Variants in RBSN observed in about 807,000 individuals in gnomAD.
The protein encoded by RBSN is rabenosyn-5.
RBSN carries 34 observed loss-of-function variants against 60.5 expected under a neutral mutation model. That is an observed-to-expected ratio of 0.56 (90% CI 0.43 to 0.75). The LOEUF is 0.75. Among genes scored for constraint, RBSN ranks in the 30% least tolerant of loss-of-function variants. RBSN has a pLI of 0.00. For synonymous variants in RBSN, 322 were observed against 366.9 expected (o/e 0.88, Z 1.40); for missense variants, 845 against 986.8 (o/e 0.86, Z 1.92).
Position 15,071,014 on chromosome 3 carries a change from G to GAAA in RBSN, c.*2767_*2768insTTT, listed in dbSNP as rs1009064522. On this transcript the variant is annotated 3_prime_UTR_variant, in exon 14 of 14. Coordinates refer to ENST00000253699, the MANE Select transcript of RBSN (RefSeq NM_022340.4). ...AATTTTTGTATTTTTAGTAGACACG[G>GAAA]GGTTTCACCATGTTGGCCATGCTAG... 2.6e-5 allele frequency: 4 copies of GAAA among 152,196 alleles called. No individual in the cohort carries two copies. The highest frequency in any genetic ancestry group is 9.7e-5 in the African/African-American group (4 of 41,432). The allele number at this position is 152,196 out of a possible 1,614,324, so 9.4% of individuals were successfully genotyped here. A position where few individuals can be genotyped will look rare whatever the true frequency, so the allele number is the denominator to read the frequency against.
At position 15,077,041 on chromosome 3, in the gene RBSN, G is replaced by A. The variant is rs748462260; in HGVS notation, c.1101+21C>T. The A allele has an allele frequency of 1.2e-6, 2 of 1,610,662 alleles. No individual in the cohort carries two copies. The highest frequency in any genetic ancestry group is 3.3e-5 in the Admixed American group (2 of 60,002). On this transcript the variant is annotated intron_variant, in intron 12 of 13. Coordinates refer to ENST00000253699, the MANE Select transcript of RBSN (RefSeq NM_022340.4). This position sits in a 1 kb window ranked among gnomAD's most constrained non-coding sequence, Gnocchi z 4.4. ...AGGACAGGCCAAGTGCAACATTTATGCCAACCCAGGATGGCTTTACCTGCA... is the reference window on the plus strand; with the variant it reads ...AGGACAGGCCAAGTGCAACATTTATACCAACCCAGGATGGCTTTACCTGCA...
intron 4 of RBSN, among the ~76,000 whole-genome samples, chr3:15,091,803 GC>G (rs1404080135): frequency 6.6e-6 from 1 of 152,184 alleles, no homozygotes; most frequent in African/African-American, 2.4e-5. Context: ...CACAAACTAT[GC>G]CTCTGCAGAA....
rs1278907108 is a variant in RBSN, at chr3:15,074,484, G to C, written c.1653C>G (p.Phe551Leu). ...SLHTRTRSLD[F>L]REIGPFQLEP... ...CCAGCTGAAAAGGGCCGATTTCTCT[G>C]AAGTCCAGGGACCGAGTCCGTGTGT... Residue 551 changes from phenylalanine to leucine, a missense_variant, in exon 14 of 14, where the codon TTC (phenylalanine) becomes TTG (leucine). Coordinates refer to ENST00000253699, the MANE Select transcript of RBSN (RefSeq NM_022340.4). This position sits in a 1 kb window ranked among gnomAD's most constrained non-coding sequence, Gnocchi z 6.4. 6.2e-7 allele frequency: 1 copy of C among 1,614,094 alleles called. No individual in the cohort carries two copies. The highest frequency in any genetic ancestry group is 2.2e-5 in the East Asian group (1 of 44,888).
rs756369904 is a variant in RBSN at position 15,074,068 on chromosome 3, A to G, written c.2069T>C (p.Phe690Ser). The change falls in exon 14 of 14, where the codon TTC becomes TCC. Residue 690 changes from phenylalanine (F) to serine (S), a missense_variant. By Grantham distance (155) the Phe-to-Ser change is radical. Coordinates refer to ENST00000253699, the MANE Select transcript of RBSN (RefSeq NM_022340.4). This position sits in a 1 kb window ranked among gnomAD's most constrained non-coding sequence, Gnocchi z 6.4. ...IQPDSPAPNP[F>S]SEEDEHPQQR... ...CTGGGGATGTTCGTCTTCCTCACTG[A>G]AGGGGTTAGGAGCTGGGCTGTCTGG... The G allele has an allele frequency of 6.2e-7, 1 of 1,613,898 alleles. No homozygotes were observed. The highest frequency in any genetic ancestry group is 1.1e-5 in the South Asian group (1 of 91,064).
At chr3:15,097,883 A>G (rs931573552) in intron 2 of RBSN, among the ~76,000 whole-genome samples, 1 of 152,128 alleles carries the variant, frequency 6.6e-6, no homozygotes, top group African/African-American at 2.4e-5. Context: ...CCCTCTAGTT[A>G]AGAAACCCAG....
intron 4 of RBSN, among the ~76,000 whole-genome samples, chr3:15,092,652 T>A (rs2043547391): frequency 1.3e-5 from 2 of 152,178 alleles, no homozygotes. Flanking sequence ...CCTCAGATGA[T>A]CTGCCCACCT....
intron 4 of RBSN, among the ~76,000 whole-genome samples, chr3:15,095,311 A>C (rs1202568734): frequency 6.6e-6 from 1 of 151,088 alleles, no homozygotes; most frequent in African/African-American, 2.4e-5. Flanking sequence ...GGCGTGAGCC[A>C]CTGTGCCCGC....
At chr3:15,095,215 G>A (rs1323972209) in intron 4 of RBSN, among the ~76,000 whole-genome samples, 1 of 151,668 alleles carries the variant, frequency 6.6e-6, no homozygotes, top group African/African-American at 2.4e-5. Flanking sequence ...TGTGAGACGG[G>A]GTTTCGCCAT....
chr3:15,090,768 C>A (rs145757875), intron 4 of RBSN, among the ~76,000 whole-genome samples: 1 of 152,100 alleles, frequency 6.6e-6, no homozygotes, highest in Non-Finnish European at 1.5e-5. Context: ...TTGGTTTAGG[C>A]GGCCAACATA....
chr3:15,080,307 C>A (rs1309737074), intron 10 of RBSN, among the ~76,000 whole-genome samples: 1 of 152,024 alleles, frequency 6.6e-6, no homozygotes, highest in African/African-American at 2.4e-5. Context: ...AGTCTGCCAG[C>A]CCCTGCTCTA....
chr3:15,073,780 GGTCA>G lies in RBSN; in HGVS notation c.2353_*1del, dbSNP rs1444739418. 2 of 1,595,798 alleles carry G rather than the reference GGTCA, an allele frequency of 1.3e-6. No homozygotes were observed. Among genetic ancestry groups the G allele is most frequent in the Admixed American group, 1.7e-5 (1 of 59,220 alleles). On this transcript the variant is annotated stop_lost and 3_prime_UTR_variant, in exon 14 of 14. Coordinates refer to ENST00000253699, the MANE Select transcript of RBSN (RefSeq NM_022340.4). ...GCCCAAAGGTGCCCTCTCCACTGCT[GGTCA>G]GTCAGTGCCCCCCTTCTGCTTGGCC...
In RBSN at chr3:15,077,238, G is replaced by A; in HGVS notation, c.999-74C>T. ...AACAAGGGTGAAAAGTATAACATCTGGAGTTGCCAGGCTTTCATGCCAGGA... is the reference window on the plus strand; with the variant it reads ...AACAAGGGTGAAAAGTATAACATCTAGAGTTGCCAGGCTTTCATGCCAGGA... On this transcript the variant is annotated intron_variant, in intron 11 of 13. Transcript: ENST00000253699. This position sits in a 1 kb window ranked among gnomAD's most constrained non-coding sequence, Gnocchi z 4.4. The A allele has an allele frequency of 2.4e-6, 3 of 1,270,910 alleles. No individual in the cohort carries two copies. The highest frequency in any genetic ancestry group is 3.4e-6 in the Non-Finnish European group (3 of 871,894). The allele number at this position is 1,270,910 out of a possible 1,614,324, so 78.7% of individuals were successfully genotyped here. A position where few individuals can be genotyped will look rare whatever the true frequency, so the allele number is the denominator to read the frequency against.
rs761816748 is a variant in RBSN at position 15,084,809 on chromosome 3, C to T, written c.524G>A (p.Arg175His). ...DCGNKFSIRN[R>H]RHHCRLCGSI... ...CCCGCAGAGGCGGCAGTGGTGGCGG[C>T]GGTTCCGGATGCTGAACTTATTCCC... The change falls in exon 8 of 14, where the codon CGC becomes CAC. Residue 175 changes from arginine (R) to histidine (H), a missense_variant. Physicochemically the swap from Arg to His is conservative, Grantham distance 29 (BLOSUM62 0). Transcript: ENST00000253699. The surrounding 1 kb of genome is among the most constrained non-coding windows in gnomAD (Gnocchi z 4.2). The T allele has an allele frequency of 1.1e-5, 18 of 1,614,158 alleles. No individual in the cohort carries two copies. The highest frequency in any genetic ancestry group is 9.9e-5 in the South Asian group (9 of 91,068).
intron 10 of RBSN, among the ~76,000 whole-genome samples, chr3:15,078,780 A>ATG (rs2043126347): frequency 6.2e-5 from 1 of 16,060 alleles, no homozygotes; most frequent in African/African-American, 2.6e-4. Flanking sequence ...AAAAAAATAC[A>ATG]TATATATATA....
intron 4 of RBSN, chr3:15,091,498 A>T (rs2043516138): frequency 1.6e-6 from 2 of 1,286,138 alleles, no homozygotes; most frequent in Admixed American, 4.7e-5. Context: ...TAACATCTAC[A>T]ACATAACACA....
In RBSN at chr3:15,088,295, A is replaced by G. The variant is rs757332889; in HGVS notation, c.289+2104T>C. Among the ~76,000 whole-genome samples, 37 of 152,214 alleles carry G rather than the reference A, an allele frequency of 2.4e-4. 1 individual carries two copies. The highest frequency in any genetic ancestry group is 4.6e-4 in the Non-Finnish European group (31 of 68,044). ...CATGGGCAATCATGAAACAAAGCTA[A>G]TAAGAATTCATGTGTCCAAAATTTC... On this transcript the variant is annotated intron_variant, in intron 5 of 13. Coordinates refer to ENST00000253699, the MANE Select transcript of RBSN (RefSeq NM_022340.4).
chr3:15,085,065 G>A lies in RBSN; in HGVS notation c.391-20C>T. On this transcript the variant is annotated intron_variant, in intron 6 of 13. Coordinates refer to ENST00000253699, the MANE Select transcript of RBSN (RefSeq NM_022340.4). ...AGTGAGCTGACCGGAAGAAAATAGT[G>A]CCAAATGAAATTAACCAGGTGATGT... 4.3e-6 allele frequency: 7 copies of A among 1,613,966 alleles called. No homozygotes were observed. Among genetic ancestry groups the A allele is most frequent in the Non-Finnish European group, 5.9e-6 (7 of 1,179,876 alleles).
chr3:15,078,742 A>G (rs1013804095), intron 10 of RBSN, among the ~76,000 whole-genome samples: 9 of 134,344 alleles, frequency 6.7e-5, no homozygotes, highest in Non-Finnish European at 1.4e-4. Context: ...CCTAGGCGAC[A>G]GAGCAAAACT....
chr3:15,075,117 C>G (rs913219183), intron 13 of RBSN, 187 bp from the exon 14 acceptor site: 5 of 687,592 alleles, frequency 7.3e-6, no homozygotes, highest in African/African-American at 1.8e-5. Context: ...AAGGGAGACC[C>G]TGATTTTCAA....
Sources: gnomAD v4.1 joint callset for allele counts (sites outside exome capture counted in the v4.1 genomes callset) on GRCh38, gnomAD v4.1.1 for gene constraint, Gnocchi (gnomAD v3.1) non-coding constraint, MANE v1.5 for transcripts, NCBI Gene and HGNC (gene_info 2026-07-23, HGNC 2026-07-21) for gene names.